Variants in SHFL observed in about 807,000 individuals in gnomAD.
SHFL encodes shiftless antiviral inhibitor of ribosomal frameshifting protein.
In SHFL, 12 loss-of-function variants were observed where a neutral mutation model predicts 34.7. The ratio of observed to expected loss-of-function variants is 0.35; its 90% CI spans 0.22 to 0.56. The LOEUF is 0.56. Among genes scored for constraint, SHFL ranks in the 20% least tolerant of loss-of-function variants. SHFL has a pLI of 0.88. For missense variants in SHFL, 278 were observed against 411.1 expected, an observed-to-expected ratio of 0.68 and a Z score of 2.80; for synonymous variants, 148 against 156.0, an observed-to-expected ratio of 0.95 and a Z score of 0.38.
At chr19:10,089,290 A>G (rs1023662195) in intron 3 of SHFL, 2 of 1,597,534 alleles carry the variant, frequency 1.3e-6, no homozygotes, top group Non-Finnish European at 1.7e-6. Flanking sequence ...TTGAACCCAC[A>G]TCTCTCTCCC....
In SHFL at chr19:10,090,893, G is replaced by A. The variant is rs187136498; in HGVS notation, c.385-357G>A. Among the ~76,000 whole-genome samples, 9 of 150,836 alleles carry A rather than the reference G, an allele frequency of 6.0e-5. No individual in the cohort carries two copies. In the East Asian group the frequency reaches 1.7e-3, roughly 29 times the overall value. ...ACTGCATTCCAGCCTGGGTGACAGAGCAAGACTCTGTCTCTAAAAAAAAAA... is the reference window on the plus strand; with the variant it reads ...ACTGCATTCCAGCCTGGGTGACAGAACAAGACTCTGTCTCTAAAAAAAAAA... On this transcript the variant is annotated intron_variant, in intron 5 of 7. Transcript: ENST00000253110.
rs374201119 is a variant in SHFL, at chr19:10,086,353, G to C, written c.-75G>C. 115 of 1,240,696 alleles carry C rather than the reference G, an allele frequency of 9.3e-5. No individual in the cohort carries two copies. In the East Asian group the frequency reaches 3.2e-3, roughly 35 times the overall value. The allele number at this position is 1,240,696 out of a possible 1,614,324, so 76.9% of individuals were successfully genotyped here. A position where few individuals can be genotyped will look rare whatever the true frequency, so the allele number is the denominator to read the frequency against. ...CCCTGCCCTGCGCGGCTGCTGGACC[G>C]ACGGGCGCACCCAGGTAGGGGGGCG... On this transcript the variant is annotated 5_prime_UTR_variant, in exon 1 of 8. Coordinates refer to ENST00000253110, the MANE Select transcript of SHFL (RefSeq NM_018381.4). The surrounding 1 kb of genome is among the most constrained non-coding windows in gnomAD (Gnocchi z 5.2).
Position 10,091,824 on chromosome 19 carries a change from G to GGGGAC in SHFL, c.643+195_643+196insGGACG. On this transcript the variant is annotated intron_variant, in intron 7 of 7. Transcript: ENST00000253110. The surrounding 1 kb of genome is among the most constrained non-coding windows in gnomAD (Gnocchi z 8.2). ...TTCACCCCAGTGGCCCGTGCCTGAG[G>GGGGAC]GTCCCCATGGCCTCTGCCCCCATGG... 1 of 937,304 alleles carries GGGGAC rather than the reference G, an allele frequency of 1.1e-6. No homozygotes were observed. The highest frequency in any genetic ancestry group is 1.5e-6 in the Non-Finnish European group (1 of 647,754). 58.1% of individuals were successfully genotyped at this position (937,304 alleles called of 1,614,324 possible).
chr19:10,090,723 T>G (rs1220389356), intron 5 of SHFL, among the ~76,000 whole-genome samples: 1 of 151,838 alleles, frequency 6.6e-6, no homozygotes, highest in Non-Finnish European at 1.5e-5. Context: ...ATTACAGGCA[T>G]GAGCCACTGT....
chr19:10,092,773 C>G lies in SHFL; in HGVS notation c.*471C>G, dbSNP rs45584433. Reference sequence around the variant, plus strand: ...CCAGCCTCCCCGCTGGTACAGGGCACAGTTACCTGAGGGGAGAGAGAGAGT... The same window carrying G: ...CCAGCCTCCCCGCTGGTACAGGGCAGAGTTACCTGAGGGGAGAGAGAGAGT... On this transcript the variant is annotated 3_prime_UTR_variant, in exon 8 of 8. Transcript: ENST00000253110. The G allele has an allele frequency of 6.3e-7, 1 of 1,598,162 alleles. No homozygotes were observed. Among genetic ancestry groups the G allele is most frequent in the Non-Finnish European group, 8.6e-7 (1 of 1,167,866 alleles).
rs1302554718 is a variant in SHFL at position 10,091,114 on chromosome 19, C to T, written c.385-136C>T. ...ACCATGGTCAATATCAGGCTACCCACGTGAAGTCACTGATTGAGTTGGGTT... is the reference window on the plus strand; with the variant it reads ...ACCATGGTCAATATCAGGCTACCCATGTGAAGTCACTGATTGAGTTGGGTT... On this transcript the variant is annotated intron_variant, in intron 5 of 7. Coordinates refer to ENST00000253110, the MANE Select transcript of SHFL (RefSeq NM_018381.4). The surrounding 1 kb of genome is among the most constrained non-coding windows in gnomAD (Gnocchi z 8.2). 4.1e-5 allele frequency: 27 copies of T among 658,470 alleles called. No individual in the cohort carries two copies. In the South Asian group the frequency reaches 4.3e-4, roughly 10 times the overall value. 40.8% of individuals were successfully genotyped at this position (658,470 alleles called of 1,614,324 possible).
chr19:10,087,220 G>A lies in SHFL; in HGVS notation c.146-31G>A, dbSNP rs1288142129. ...TGGAACTCCCACAGACCCTTCAAGG[G>A]CCCTTCCCTTATATGCACTCTCCCC... is the stretch of plus-strand genomic sequence containing the variant. On this transcript the variant is annotated intron_variant, in intron 2 of 7. Coordinates refer to ENST00000253110, the MANE Select transcript of SHFL (RefSeq NM_018381.4). 7 of 1,613,770 alleles carry A rather than the reference G, an allele frequency of 4.3e-6. No homozygotes were observed. In the South Asian group the frequency reaches 7.7e-5, roughly 18 times the overall value.
At chr19:10,087,943 G>C (rs2088315232) in intron 3 of SHFL, 1 of 157,776 alleles carries the variant, frequency 6.3e-6, no homozygotes, top group Non-Finnish European at 1.4e-5. Context: ...TAGCCTGCCT[G>C]AAAGGCTTAG....
Position 10,092,825 on chromosome 19 carries a change from C to G in SHFL, c.*523C>G. Reference sequence around the variant, plus strand: ...CATGTCCTCTCACCAGAATAAAAGCCTCTACCTGCACCTCACAGTGCAAGG... The same window carrying G: ...CATGTCCTCTCACCAGAATAAAAGCGTCTACCTGCACCTCACAGTGCAAGG... On this transcript the variant is annotated 3_prime_UTR_variant, in exon 8 of 8. Coordinates refer to ENST00000253110, the MANE Select transcript of SHFL (RefSeq NM_018381.4). 1 of 1,491,614 alleles carries G rather than the reference C, an allele frequency of 6.7e-7. No individual in the cohort carries two copies. The highest frequency in any genetic ancestry group is 9.0e-7 in the Non-Finnish European group (1 of 1,105,424). 92.4% of individuals were successfully genotyped at this position (1,491,614 alleles called of 1,614,324 possible).
intron 3 of SHFL, chr19:10,089,055 T>G: frequency 2.2e-6 from 1 of 452,526 alleles, no homozygotes; most frequent in Non-Finnish European, 3.9e-6. Flanking sequence ...ATTTATTTAT[T>G]TCATCACTGC....
At position 10,086,373 on chromosome 19, in the gene SHFL, G is replaced by C. The variant is rs1285246930; in HGVS notation, c.-55G>C. 1.6e-6 allele frequency: 2 copies of C among 1,269,362 alleles called. No individual in the cohort carries two copies. Among genetic ancestry groups the C allele is most frequent in the Non-Finnish European group, 2.0e-6 (2 of 1,000,202 alleles). 78.6% of individuals were successfully genotyped at this position (1,269,362 alleles called of 1,614,324 possible). ...GGACCGACGGGCGCACCCAGGTAGG[G>C]GGGCGGCTGAGCCGCGCAGTGCGGA... is the stretch of plus-strand genomic sequence containing the variant. On this transcript the variant is annotated 5_prime_UTR_variant, in exon 1 of 8. Transcript: ENST00000253110. This position sits in a 1 kb window ranked among gnomAD's most constrained non-coding sequence, Gnocchi z 5.2.
At position 10,092,634 on chromosome 19, in the gene SHFL, A is replaced by C; in HGVS notation, c.*332A>C. The C allele has an allele frequency of 3.7e-6, 6 of 1,613,478 alleles. No homozygotes were observed. The highest frequency in any genetic ancestry group is 5.1e-6 in the Non-Finnish European group (6 of 1,179,508). Reference sequence around the variant, plus strand: ...TGAGCATGGCGGCCTTCCTGAGAGAATATGCCCCACCACGAAACTCAGCCC... The same window carrying C: ...TGAGCATGGCGGCCTTCCTGAGAGACTATGCCCCACCACGAAACTCAGCCC... On this transcript the variant is annotated 3_prime_UTR_variant, in exon 8 of 8. Coordinates refer to ENST00000253110, the MANE Select transcript of SHFL (RefSeq NM_018381.4).
In SHFL at chr19:10,086,345, G is replaced by T. The variant is rs1490093604; in HGVS notation, c.-83G>T. 4.1e-6 allele frequency: 5 copies of T among 1,215,724 alleles called. No homozygotes were observed. Among genetic ancestry groups the T allele is most frequent in the Non-Finnish European group, 5.2e-6 (5 of 957,772 alleles). 75.3% of individuals were successfully genotyped at this position (1,215,724 alleles called of 1,614,324 possible). ...GCACCGCCCCCTGCCCTGCGCGGCT[G>T]CTGGACCGACGGGCGCACCCAGGTA... On this transcript the variant is annotated 5_prime_UTR_variant, in exon 1 of 8. Transcript: ENST00000253110. The surrounding 1 kb of genome is among the most constrained non-coding windows in gnomAD (Gnocchi z 5.2).
At chr19:10,090,403 G>A (rs577438236) in intron 5 of SHFL, 2 of 206,366 alleles carry the variant, frequency 9.7e-6, no homozygotes, top group African/African-American at 4.6e-5. Flanking sequence ...TTTGAGACCA[G>A]CCTGGGTGAC....
chr19:10,092,828 T>G lies in SHFL; in HGVS notation c.*526T>G. 37 of 1,460,108 alleles carry G rather than the reference T, an allele frequency of 2.5e-5. No homozygotes were observed. Among genetic ancestry groups the G allele is most frequent in the South Asian group, 4.1e-5 (3 of 73,722 alleles). The allele number at this position is 1,460,108 out of a possible 1,614,324, so 90.4% of individuals were successfully genotyped here. ...GTCCTCTCACCAGAATAAAAGCCTC[T>G]ACCTGCACCTCACAGTGCAAGGCTT... On this transcript the variant is annotated 3_prime_UTR_variant, in exon 8 of 8. Coordinates refer to ENST00000253110, the MANE Select transcript of SHFL (RefSeq NM_018381.4).
rs560989719 is a variant in SHFL, at chr19:10,091,066, A to G, written c.385-184A>G. On this transcript the variant is annotated intron_variant, in intron 5 of 7. Coordinates refer to ENST00000253110, the MANE Select transcript of SHFL (RefSeq NM_018381.4). This position sits in a 1 kb window ranked among gnomAD's most constrained non-coding sequence, Gnocchi z 8.2. ...AAGCCAAGATGTGTAGTGTTTGCCA[A>G]TTTCTGTGGTGTAAATATTCCCACC... Among the ~76,000 whole-genome samples the G allele has an allele frequency of 6.6e-6, 1 of 152,184 alleles. No individual in the cohort carries two copies. The highest frequency in any genetic ancestry group is 6.5e-5 in the Admixed American group (1 of 15,286).
chr19:10,092,740 T>C lies in SHFL; in HGVS notation c.*438T>C, dbSNP rs548381762. On this transcript the variant is annotated 3_prime_UTR_variant, in exon 8 of 8. Coordinates refer to ENST00000253110, the MANE Select transcript of SHFL (RefSeq NM_018381.4). ...GTTGAGGTTGGAGTGGGCACAGGCATGGTACCACCAGCCTCCCCGCTGGTA... is the reference window on the plus strand; with the variant it reads ...GTTGAGGTTGGAGTGGGCACAGGCACGGTACCACCAGCCTCCCCGCTGGTA... The C allele has an allele frequency of 1.2e-4, 191 of 1,611,728 alleles. No individual in the cohort carries two copies. The South Asian group carries it at 1.9e-3, about 16-fold the overall frequency.
chr19:10,091,786 G>A lies in SHFL; in HGVS notation c.643+156G>A. 1 of 1,131,058 alleles carries A rather than the reference G, an allele frequency of 8.8e-7. No homozygotes were observed. The highest frequency in any genetic ancestry group is 1.2e-6 in the Non-Finnish European group (1 of 819,428). The allele number at this position is 1,131,058 out of a possible 1,614,324, so 70.1% of individuals were successfully genotyped here. A position where few individuals can be genotyped will look rare whatever the true frequency, so the allele number is the denominator to read the frequency against. Reference sequence around the variant, plus strand: ...CCCCAGTCTCCGTGGTCTTGCCCAGGAGGCTCTGAGGTTTCACCCCAGTGG... The same window carrying A: ...CCCCAGTCTCCGTGGTCTTGCCCAGAAGGCTCTGAGGTTTCACCCCAGTGG... On this transcript the variant is annotated intron_variant, in intron 7 of 7. Coordinates refer to ENST00000253110, the MANE Select transcript of SHFL (RefSeq NM_018381.4). The surrounding 1 kb of genome is among the most constrained non-coding windows in gnomAD (Gnocchi z 8.2).
rs1199459242 is a variant in SHFL, at chr19:10,091,166, C to A, written c.385-84C>A. On this transcript the variant is annotated intron_variant, in intron 5 of 7. Transcript: ENST00000253110. The surrounding 1 kb of genome is among the most constrained non-coding windows in gnomAD (Gnocchi z 8.2). The stretch of plus-strand genomic sequence containing the variant: ...CTCAAGCTGAGGCCAGCCGCTGCAG[C>A]ACACTGCTAGCCCTGACCCCAACCT... 1.7e-6 allele frequency: 2 copies of A among 1,210,368 alleles called. No individual in the cohort carries two copies. The highest frequency in any genetic ancestry group is 1.3e-5 in the South Asian group (1 of 74,820). 75.0% of individuals were successfully genotyped at this position (1,210,368 alleles called of 1,614,324 possible).
Sources: gnomAD v4.1 joint callset for allele counts (sites outside exome capture counted in the v4.1 genomes callset) on GRCh38, gnomAD v4.1.1 for gene constraint, Gnocchi (gnomAD v3.1) non-coding constraint, MANE v1.5 for transcripts, NCBI Gene and HGNC (gene_info 2026-07-23, HGNC 2026-07-21) for gene names.